The following ZNFX1 variants were observed in gnomAD, a reference collection of about 807,000 sequenced individuals.
The protein encoded by ZNFX1 is zinc finger NFX1-type containing 1.
A neutral mutation model predicts 179.8 loss-of-function variants in ZNFX1; 78 were observed. The observed-to-expected ratio is 0.43, with a 90% CI of 0.36 to 0.52. The LOEUF (loss-of-function observed/expected upper bound fraction) is 0.52, where lower values mean the gene tolerates loss of function less well. ZNFX1 is among the 20% of genes least tolerant of loss of function. The pLI, the probability that ZNFX1 is intolerant of heterozygous loss-of-function variation, is 0.00. For missense variants in ZNFX1, 1,927 were observed against 2,386.6 expected (o/e 0.81, Z 4.01); for synonymous variants, 848 against 868.5 (o/e 0.98, Z 0.42).
Position 49,271,406 on chromosome 20 carries a change from C to A in ZNFX1, c.406G>T (p.Glu136Ter). 6.2e-7 allele frequency: 1 copy of A among 1,614,118 alleles called. No homozygotes were observed. Among genetic ancestry groups the A allele is most frequent in the Non-Finnish European group, 8.5e-7 (1 of 1,180,028 alleles). ...AGTTTCTTCGCCTGCTGTGGCTGTT[C>A]TGTAGGCTTCTGGTGGGGAGTCCGC... The part of the protein sequence containing the change: ...QWRTPHQKPT[E>*]QPQQAKKLGY... Residue 136 changes from glutamate to a stop codon, truncating the protein, a stop_gained, in exon 3 of 14, where the codon GAA becomes TAA. Transcript: ENST00000396105. LOFTEE classifies it high-confidence loss of function.
intron 6 of ZNFX1, among the ~76,000 whole-genome samples, 172 bp from the exon 7 acceptor site, chr20:49,260,749 C>T (rs1028538592): frequency 6.6e-6 from 1 of 152,126 alleles, no homozygotes; most frequent in Non-Finnish European, 1.5e-5. Flanking sequence ...CAAGACCAGC[C>T]TGGGCAATAC....
At chr20:49,275,175 T>C (rs1245686616) in intron 2 of ZNFX1, among the ~76,000 whole-genome samples, 1 of 152,150 alleles carries the variant, frequency 6.6e-6, no homozygotes, top group East Asian at 1.9e-4. Flanking sequence ...GCTTACATTG[T>C]TTCTATTGGA....
chr20:49,251,734 G>T lies in ZNFX1; in HGVS notation c.3217-112C>A, dbSNP rs529792593. 5.6e-5 allele frequency: 43 copies of T among 766,346 alleles called. 1 individual carries two copies. The allele number at this position is 766,346 out of a possible 1,614,324, so 47.5% of individuals were successfully genotyped here. A position where few individuals can be genotyped will look rare whatever the true frequency, so the allele number is the denominator to read the frequency against. ...TAGGGAGGGCCAGTTGTGATGGCTT[G>T]TATCTGTAATCCCATCACTTTGGGA... On this transcript the variant is annotated intron_variant, in intron 12 of 13. Coordinates refer to ENST00000396105, the MANE Select transcript of ZNFX1 (RefSeq NM_021035.3).
Position 49,248,001 on chromosome 20 carries a change from G to A in ZNFX1, c.5023C>T (p.His1675Tyr). 5 of 1,614,134 alleles carry A rather than the reference G, an allele frequency of 3.1e-6. No individual in the cohort carries two copies. Among genetic ancestry groups the A allele is most frequent in the Non-Finnish European group, 4.2e-6 (5 of 1,180,034 alleles). ...KALLERKSLL[H>Y]QLLPEDFLML... ...AGGAAGTCTTCAGGAAGCAGCTGGT[G>A]GAGGAGGCTCTTCCTCTCCAGCAGG... Residue 1675 changes from histidine (H) to tyrosine (Y), a missense_variant, in exon 14 of 14, where the codon CAC (histidine) becomes TAC (tyrosine). By Grantham distance (83) the His-to-Tyr change is moderately conservative (BLOSUM62 2). Transcript: ENST00000396105. This position sits in a 1 kb window ranked among gnomAD's most constrained non-coding sequence, Gnocchi z 4.6.
intron 2 of ZNFX1, among the ~76,000 whole-genome samples, chr20:49,274,238 G>C (rs978575147): frequency 6.6e-6 from 1 of 152,152 alleles, no homozygotes; most frequent in Non-Finnish European, 1.5e-5. Flanking sequence ...TAAAACACAC[G>C]AGATTTTGAA....
chr20:49,275,866 T>C lies in ZNFX1; in HGVS notation c.-27A>G. ...TCTGAGTCACCTGAATTCCTTCACG[T>C]TACTTTCTGTTATCTGGAAAACTGC... On this transcript the variant is annotated 5_prime_UTR_variant, in exon 2 of 14. Transcript: ENST00000396105. 6.2e-7 allele frequency: 1 copy of C among 1,612,936 alleles called. No homozygotes were observed. Among genetic ancestry groups the C allele is most frequent in the Non-Finnish European group, 8.5e-7 (1 of 1,178,922 alleles).
In ZNFX1 at chr20:49,271,516, T is replaced by C; in HGVS notation, c.296A>G (p.Gln99Arg). ...ATTTCTCCACCTGGTGTCATTCTCC[T>C]GGTCATGTCTTTGGTCTCTAGCTTC... ...SDEARDQRHD[Q>R]ENDTRWRNGN... The change falls in exon 3 of 14, where the codon CAG becomes CGG. Residue 99 changes from glutamine to arginine, a missense_variant. Physicochemically the swap from Gln to Arg is conservative, Grantham distance 43 (BLOSUM62 1). Coordinates refer to ENST00000396105, the MANE Select transcript of ZNFX1 (RefSeq NM_021035.3). 6.2e-7 allele frequency: 1 copy of C among 1,614,188 alleles called. No individual in the cohort carries two copies. Among genetic ancestry groups the C allele is most frequent in the African/African-American group, 1.3e-5 (1 of 75,040 alleles).
rs942676647 is a variant in ZNFX1 at position 49,251,725 on chromosome 20, T to A, written c.3217-103A>T. 4.6e-6 allele frequency: 4 copies of A among 862,908 alleles called. No homozygotes were observed. The Admixed American group carries it at 1.1e-4, about 24-fold the overall frequency. 53.5% of individuals were successfully genotyped at this position (862,908 alleles called of 1,614,324 possible). On this transcript the variant is annotated intron_variant, in intron 12 of 13. Coordinates refer to ENST00000396105, the MANE Select transcript of ZNFX1 (RefSeq NM_021035.3). The stretch of plus-strand genomic sequence containing the variant: ...TAGAAAATTTAGGGAGGGCCAGTTG[T>A]GATGGCTTGTATCTGTAATCCCATC...
In ZNFX1 at chr20:49,246,812, A is replaced by G. The variant is rs561520598; in HGVS notation, c.*455T>C. On this transcript the variant is annotated 3_prime_UTR_variant, in exon 14 of 14. Transcript: ENST00000396105. ...CTCTAGCGCAGGGGTAAATCTAGAA[A>G]CAAATGTGGGTGAGCCCTAAAAGTG... is the stretch of plus-strand genomic sequence containing the variant. The G allele has an allele frequency of 2.2e-5, 10 of 454,926 alleles. No homozygotes were observed. The East Asian group carries it at 6.3e-4, about 28-fold the overall frequency. The allele number at this position is 454,926 out of a possible 1,614,324, so 28.2% of individuals were successfully genotyped here. A position where few individuals can be genotyped will look rare whatever the true frequency, so the allele number is the denominator to read the frequency against.
rs978144879 is a variant in ZNFX1 at position 49,246,871 on chromosome 20, G to C, written c.*396C>G. 1 of 362,704 alleles carries C rather than the reference G, an allele frequency of 2.8e-6. No individual in the cohort carries two copies. The allele number at this position is 362,704 out of a possible 1,614,324, so 22.5% of individuals were successfully genotyped here. On this transcript the variant is annotated 3_prime_UTR_variant, in exon 14 of 14. Coordinates refer to ENST00000396105, the MANE Select transcript of ZNFX1 (RefSeq NM_021035.3). ...AGTAGGTGCTAAGACTAAAAAGAAT[G>C]ATTTTTTTTTTTTTGAGACAGAGTC...
At chr20:49,260,801 C>A (rs1409263094) in intron 6 of ZNFX1, among the ~76,000 whole-genome samples, 1 of 152,090 alleles carries the variant, frequency 6.6e-6, no homozygotes, top group Non-Finnish European at 1.5e-5. Context: ...AAAAAAAAGA[C>A]TGGGCGTGGT....
rs180730892 is a variant in ZNFX1, at chr20:49,276,676, A to G, written c.-48-789T>C. Among the ~76,000 whole-genome samples, 206 of 152,344 alleles carry G rather than the reference A, an allele frequency of 1.4e-3. 4 individuals are homozygous for G. The South Asian group carries it at 0.042, about 31-fold the overall frequency. On this transcript the variant is annotated intron_variant, in intron 1 of 13. Transcript: ENST00000396105. ...TGGTGTGGGCTGGGGCTAAGGAAAG[A>G]GTGGGTGACTCAGAGTCCTCAGCAA...
At chr20:49,256,334 T>C (rs1167301000) in intron 8 of ZNFX1, among the ~76,000 whole-genome samples, 5 of 152,214 alleles carry the variant, frequency 3.3e-5, no homozygotes, top group African/African-American at 1.2e-4. Context: ...TAAACATCTT[T>C]GACCATAGCC....
In ZNFX1 at chr20:49,247,430, T is replaced by C; in HGVS notation, c.5594A>G (p.Glu1865Gly). ...CTTACAGTCAGGACACGTGCCCCTC[T>C]CCATGGCTCCCCCACAATCGCCAAT... ...YVIGDCGGAM[E>G]RGTCPDCKEV... is the part of the protein sequence containing the mutation. Residue 1865 changes from glutamate to glycine, a missense_variant, in exon 14 of 14, where the codon GAG becomes GGG. By Grantham distance (98) the Glu-to-Gly change is moderately conservative (BLOSUM62 -2). Transcript: ENST00000396105. 6.2e-7 allele frequency: 1 copy of C among 1,614,172 alleles called. No homozygotes were observed. The highest frequency in any genetic ancestry group is 8.5e-7 in the Non-Finnish European group (1 of 1,180,030).
intron 11 of ZNFX1, 35 bp from the exon 12 acceptor site, chr20:49,252,865 G>A (rs768748547): frequency 1.3e-6 from 2 of 1,520,794 alleles, no homozygotes; most frequent in South Asian, 2.2e-5. Flanking sequence ...ATTCTCTACT[G>A]ATAAAGTCAT....
chr20:49,275,598 C>G (rs1981536472), intron 2 of ZNFX1, among the ~76,000 whole-genome samples, 181 bp downstream of exon 2: 1 of 152,186 alleles, frequency 6.6e-6, no homozygotes, highest in African/African-American at 2.4e-5. Context: ...CGTAAACAAT[C>G]CTCCCGCCTC....
intron 5 of ZNFX1, 58 bp downstream of exon 5, chr20:49,264,658 T>G: frequency 6.3e-7 from 1 of 1,589,656 alleles, no homozygotes; most frequent in South Asian, 1.1e-5. Context: ...AGAAAGCCAC[T>G]GCTATCTTGT....
At chr20:49,273,618 C>T (rs1030890088) in intron 2 of ZNFX1, among the ~76,000 whole-genome samples, 1 of 152,028 alleles carries the variant, frequency 6.6e-6, no homozygotes, top group Non-Finnish European at 1.5e-5. Context: ...AATGGAAAAT[C>T]GTATCATTTC....
intron 6 of ZNFX1, among the ~76,000 whole-genome samples, chr20:49,261,897 C>T (rs550216405): frequency 4.3e-4 from 65 of 151,648 alleles, no homozygotes; most frequent in African/African-American, 1.4e-3. Flanking sequence ...CCGCCTGCCT[C>T]GGCCTCCCAA....
Sources: gnomAD v4.1 joint callset for allele counts (sites outside exome capture counted in the v4.1 genomes callset) on GRCh38, gnomAD v4.1.1 for gene constraint, Gnocchi (gnomAD v3.1) non-coding constraint, MANE v1.5 for transcripts, NCBI Gene and HGNC (gene_info 2026-07-23, HGNC 2026-07-21) for gene names.